Variants in ARFIP1 observed in about 807,000 individuals in gnomAD.
ARFIP1 encodes ARF interacting protein 1.
In ARFIP1, 24 loss-of-function variants were observed where a neutral mutation model predicts 42.5. The ratio of observed to expected loss-of-function variants is 0.57; its 90% CI spans 0.41 to 0.80. The LOEUF (loss-of-function observed/expected upper bound fraction) is 0.80, where lower values mean the gene tolerates loss of function less well. Ranked by LOEUF, ARFIP1 falls within the 30% of genes least tolerant of loss-of-function variation. The probability of loss-of-function intolerance (pLI) is 0.00; values close to 1 mark genes in which losing one functional copy is unlikely to be tolerated. For missense variants in ARFIP1, 354 were observed against 434.0 expected, an observed-to-expected ratio of 0.82 and a Z score of 1.64; for synonymous variants, 141 against 153.7, an observed-to-expected ratio of 0.92 and a Z score of 0.61.
chr4:152,811,367 G>C (rs1386539279), intron 1 of ARFIP1, among the ~76,000 whole-genome samples: 1 of 152,100 alleles, frequency 6.6e-6, no homozygotes, highest in Admixed American at 6.5e-5. Context: ...AAAGCCCTTA[G>C]TCTTCTCATT....
At chr4:152,807,467 T>C (rs867907565) in intron 1 of ARFIP1, among the ~76,000 whole-genome samples, 24 of 152,342 alleles carry the variant, frequency 1.6e-4, no homozygotes, top group Middle Eastern at 6.8e-3. Context: ...ATAGTGGTTA[T>C]GTAGTGGCAT....
rs576153753 is a variant in ARFIP1 at position 152,815,906 on chromosome 4, G to A, written c.-9-13719G>A. ...ACTACAGGCGCCCGCCACTACGCCC[G>A]GCTAATTTTTTGTATTTTTAGTAGA... On this transcript the variant is annotated intron_variant, in intron 1 of 8. Transcript: ENST00000353617. 5.3e-5 allele frequency among the ~76,000 whole-genome samples: 8 copies of A among 151,756 alleles called. 1 individual carries two copies. The East Asian group carries it at 1.4e-3, about 26-fold the overall frequency.
intron 1 of ARFIP1, among the ~76,000 whole-genome samples, chr4:152,807,915 T>G (rs1033860771): frequency 2.0e-5 from 3 of 152,216 alleles, no homozygotes; most frequent in Non-Finnish European, 4.4e-5. Flanking sequence ...TCTTTTTGAA[T>G]TGGATCATGT....
rs1251455362 is a variant in ARFIP1, at chr4:152,888,223, G to A, written c.882G>A (p.Gln294=). Reference sequence around the variant, plus strand: ...CTCTGCCAAAGATTGAGCAGTCACAGCATCTCTTCCAAGCACATAAGGAAA... The same window carrying A: ...CTCTGCCAAAGATTGAGCAGTCACAACATCTCTTCCAAGCACATAAGGAAA... The part of the protein sequence containing the change: ...ANTLPKIEQS[Q]HLFQAHKEKY... The change falls in exon 8 of 9, where the codon CAG becomes CAA. Residue 294 remains glutamine, a synonymous_variant. Coordinates refer to ENST00000353617, the MANE Select transcript of ARFIP1 (RefSeq NM_001025595.3). 1 of 1,612,036 alleles carries A rather than the reference G, an allele frequency of 6.2e-7. No individual in the cohort carries two copies. Among genetic ancestry groups the A allele is most frequent in the Non-Finnish European group, 8.5e-7 (1 of 1,178,902 alleles).
At chr4:152,850,296 T>C (rs1732878373) in intron 2 of ARFIP1, among the ~76,000 whole-genome samples, 1 of 152,194 alleles carries the variant, frequency 6.6e-6, no homozygotes, top group South Asian at 2.1e-4. Flanking sequence ...AAGGAATTGC[T>C]AACTGAACAT....
At position 152,829,716 on chromosome 4, in the gene ARFIP1, G is replaced by A; in HGVS notation, c.83G>A (p.Ser28Asn). Reference sequence around the variant, plus strand: ...GAAGTTGATGACTCTCGTGAACATAGCTTTAATAGGGTAAGAACACTTTTC... The same window carrying A: ...GAAGTTGATGACTCTCGTGAACATAACTTTAATAGGGTAAGAACACTTTTC... ...NGEVDDSREH[S>N]FNRDLKHSLP... is the part of the protein sequence containing the mutation. Residue 28 changes from serine (S) to asparagine (N), a missense_variant, in exon 2 of 9, where the codon AGC becomes AAC. Ser to Asn is a conservative substitution (Grantham distance 46). Coordinates refer to ENST00000353617, the MANE Select transcript of ARFIP1 (RefSeq NM_001025595.3). 6.2e-7 allele frequency: 1 copy of A among 1,602,256 alleles called. No individual in the cohort carries two copies. The highest frequency in any genetic ancestry group is 8.5e-7 in the Non-Finnish European group (1 of 1,173,432).
intron 1 of ARFIP1, among the ~76,000 whole-genome samples, chr4:152,813,246 T>TA (rs1249561933): frequency 6.6e-6 from 1 of 152,190 alleles, no homozygotes; most frequent in Non-Finnish European, 1.5e-5. Flanking sequence ...ATCCAAATAT[T>TA]ACATCATTTT....
At chr4:152,796,571 G>A (rs1160538033) in intron 1 of ARFIP1, 7 of 816,184 alleles carry the variant, frequency 8.6e-6, no homozygotes, top group South Asian at 1.4e-5. Context: ...CTGTCCTGCT[G>A]ATAGGCAGGT....
chr4:152,894,867 G>A (rs1737179773), intron 8 of ARFIP1, among the ~76,000 whole-genome samples: 1 of 152,196 alleles, frequency 6.6e-6, no homozygotes, highest in South Asian at 2.1e-4. Context: ...TCATGAGGGA[G>A]TGATGCCGAA....
chr4:152,854,338 AT>A (rs781753457), intron 2 of ARFIP1, among the ~76,000 whole-genome samples: 6 of 151,960 alleles, frequency 3.9e-5, no homozygotes, highest in Non-Finnish European at 8.8e-5. Flanking sequence ...TATGATCTTT[AT>A]CTCTTTGGTA....
intron 2 of ARFIP1, among the ~76,000 whole-genome samples, chr4:152,858,721 C>A (rs1055768870): frequency 6.6e-6 from 1 of 152,048 alleles, no homozygotes. Flanking sequence ...ACAAAATAGG[C>A]AACAACCCTG....
intron 3 of ARFIP1, among the ~76,000 whole-genome samples, chr4:152,868,953 C>T (rs150249984): frequency 6.6e-6 from 1 of 152,108 alleles, no homozygotes; most frequent in Non-Finnish European, 1.5e-5. Context: ...ATTAATCTTA[C>T]CGTTTAATGT....
intron 2 of ARFIP1, among the ~76,000 whole-genome samples, chr4:152,836,700 GTTTA>G (rs1223810030): frequency 2.0e-5 from 3 of 152,164 alleles, no homozygotes; most frequent in African/African-American, 7.2e-5. Flanking sequence ...TCTTAAGAAC[GTTTA>G]TTTGCCTTTG....
intron 2 of ARFIP1, among the ~76,000 whole-genome samples, chr4:152,856,431 T>C (rs913790767): frequency 6.6e-6 from 1 of 152,102 alleles, no homozygotes; most frequent in Non-Finnish European, 1.5e-5. Context: ...TGAAATAAAA[T>C]GAAAAATAAC....
intron 1 of ARFIP1, among the ~76,000 whole-genome samples, chr4:152,824,656 T>G (rs1730670680): frequency 1.3e-5 from 2 of 152,166 alleles, no homozygotes; most frequent in African/African-American, 2.4e-5. Context: ...CTTTCACTGC[T>G]TCTATTCAAC....
At chr4:152,864,017 A>G (rs1469963126) in intron 3 of ARFIP1, among the ~76,000 whole-genome samples, 2 of 152,242 alleles carry the variant, frequency 1.3e-5, no homozygotes, top group African/African-American at 2.4e-5. Flanking sequence ...ACTTGTAACC[A>G]TGAAATTTAT....
intron 1 of ARFIP1, among the ~76,000 whole-genome samples, chr4:152,806,252 A>AT (rs1274618193): frequency 6.6e-6 from 1 of 152,212 alleles, no homozygotes; most frequent in Non-Finnish European, 1.5e-5. Context: ...CTATGCAGTC[A>AT]TTTTTCTAGT....
At chr4:152,836,926 C>G (rs1248901886) in intron 2 of ARFIP1, among the ~76,000 whole-genome samples, 1 of 149,242 alleles carries the variant, frequency 6.7e-6, no homozygotes, top group East Asian at 2.0e-4. Context: ...TATCCCTTGT[C>G]CCCCTCCCAC....
chr4:152,831,851 T>TC (rs1731268040), intron 2 of ARFIP1, among the ~76,000 whole-genome samples: 4 of 152,140 alleles, frequency 2.6e-5, no homozygotes, highest in Admixed American at 2.6e-4. Context: ...CCATGGTGGT[T>TC]CGCTGCACCT....
Sources: allele counts gnomAD v4.1 joint callset (sites outside exome capture counted in the v4.1 genomes callset), GRCh38; gene constraint gnomAD v4.1.1; transcripts MANE v1.5; gene names NCBI Gene and HGNC (gene_info 2026-07-23, HGNC 2026-07-21).